The following BACH1 variants were observed in gnomAD, a reference collection of about 807,000 sequenced individuals.
BACH1 encodes the protein BTB domain and CNC homolog 1.
BACH1 carries 35 observed loss-of-function variants against 52.9 expected under a neutral mutation model. The observed-to-expected ratio is 0.66, with a 90% confidence interval of 0.51 to 0.88. BACH1 has a LOEUF of 0.88. Ranked by LOEUF, BACH1 falls within the 40% of genes least tolerant of loss-of-function variation. The pLI, the probability that BACH1 is intolerant of heterozygous loss-of-function variation, is 0.00. For synonymous variants in BACH1, 321 were observed against 319.6 expected (o/e 1.00, Z -0.05); for missense variants, 808 against 872.6 (o/e 0.93, Z 0.93).
At chr21:29,309,037 C>A (rs1328842542) in intron 1 of BACH1, among the ~76,000 whole-genome samples, 2 of 152,088 alleles carry the variant, frequency 1.3e-5, no homozygotes, top group Non-Finnish European at 2.9e-5. Flanking sequence ...GCAGGCAGAT[C>A]ACCTGAGGTC....
intron 1 of BACH1, among the ~76,000 whole-genome samples, chr21:29,308,572 C>G (rs2088684927): frequency 6.6e-6 from 1 of 152,090 alleles, no homozygotes; most frequent in Admixed American, 6.6e-5. Flanking sequence ...ATTTGAAGAG[C>G]ACTTTTTTTG....
chr21:29,345,852 T>G lies in BACH1; in HGVS notation c.*3019T>G, dbSNP rs895693202. On this transcript the variant is annotated 3_prime_UTR_variant, in exon 5 of 5. Coordinates refer to ENST00000286800, the MANE Select transcript of BACH1 (RefSeq NM_001186.4). The stretch of plus-strand genomic sequence containing the variant: ...AAACTATTCTTTGAAACTTGTTGGG[T>G]AGAATGAAAATTAAAGCCATAATGG... 1 of 152,602 alleles carries G rather than the reference T, an allele frequency of 6.6e-6. No homozygotes were observed. The highest frequency in any genetic ancestry group is 1.5e-5 in the Non-Finnish European group (1 of 68,012). 9.5% of individuals were successfully genotyped at this position (152,602 alleles called of 1,614,324 possible).
rs756020225 is a variant in BACH1 at position 29,327,068 on chromosome 21, A to G, written c.1244A>G (p.Gln415Arg). 1.9e-6 allele frequency: 3 copies of G among 1,614,212 alleles called. No homozygotes were observed. In the African/African-American group the frequency reaches 4.0e-5, roughly 22 times the overall value. Residue 415 changes from glutamine to arginine, a missense_variant, in exon 3 of 5, where the codon CAG becomes CGG. Coordinates refer to ENST00000286800, the MANE Select transcript of BACH1 (RefSeq NM_001186.4). ...ICSTDTPCQM[Q>R]LSPAVAKDGS... is the part of the protein sequence containing the mutation. ...AGCACGGACACTCCTTGCCAAATGC[A>G]GTTATCACCTGCTGTGGCCAAAGAT... is the stretch of plus-strand genomic sequence containing the variant.
At position 29,326,207 on chromosome 21, in the gene BACH1, T is replaced by G; in HGVS notation, c.383T>G (p.Phe128Cys). Residue 128 changes from phenylalanine to cysteine, a missense_variant, in exon 3 of 5, where the codon TTT (phenylalanine) becomes TGT (cysteine). Physicochemically the swap from Phe to Cys is radical, Grantham distance 205. Coordinates refer to ENST00000286800, the MANE Select transcript of BACH1 (RefSeq NM_001186.4). ...IEESCFQFLK[F>C]KFLDSTADQQ... ...GAATCCTGCTTTCAGTTTCTGAAAT[T>G]TAAGTTTTTGGACTCCACTGCAGAC... The G allele has an allele frequency of 6.2e-7, 1 of 1,614,200 alleles. No individual in the cohort carries two copies. The highest frequency in any genetic ancestry group is 8.5e-7 in the Non-Finnish European group (1 of 1,180,036).
intron 2 of BACH1, among the ~76,000 whole-genome samples, chr21:29,324,462 A>C (rs1403908455): frequency 6.6e-6 from 1 of 151,752 alleles, no homozygotes; most frequent in Admixed American, 6.6e-5. Context: ...CTTAGGATTG[A>C]TGTTGTTTGA....
rs1405434179 is a variant in BACH1, at chr21:29,343,927, T to C, written c.*1094T>C. 1.3e-5 allele frequency: 2 copies of C among 152,228 alleles called. No homozygotes were observed. Among genetic ancestry groups the C allele is most frequent in the Non-Finnish European group, 2.9e-5 (2 of 68,040 alleles). The allele number at this position is 152,228 out of a possible 1,614,324, so 9.4% of individuals were successfully genotyped here. ...TAGGATGAAACTCAATCTTTTTCTA[T>C]TGTGGGTTTGCATTTGAAAAGCAGG... On this transcript the variant is annotated 3_prime_UTR_variant, in exon 5 of 5. Coordinates refer to ENST00000286800, the MANE Select transcript of BACH1 (RefSeq NM_001186.4).
At position 29,320,487 on chromosome 21, in the gene BACH1, T is replaced by TA. The variant is rs1196632241; in HGVS notation, c.-60-727dup. Among the ~76,000 whole-genome samples the TA allele has an allele frequency of 2.6e-5, 4 of 152,290 alleles. No homozygotes were observed. The East Asian group carries it at 7.7e-4, about 29-fold the overall frequency. The stretch of plus-strand genomic sequence containing the variant: ...GGCTATTATATGTTAGTATGTATTT[T>TA]AAAAAAATATAAAATTATAACTTTT... On this transcript the variant is annotated intron_variant, in intron 1 of 4. Coordinates refer to ENST00000286800, the MANE Select transcript of BACH1 (RefSeq NM_001186.4).
At position 29,342,507 on chromosome 21, in the gene BACH1, GCT is replaced by G. The variant is rs2089125620; in HGVS notation, c.1888_1889del (p.Leu630GlufsTer24). ...GLCQKVCKEA[A>X]LSQEQIQILA... ...TTGCCAGAAAGTTTGTAAAGAAGCA[GCT>G]CTGAGTCAAGAACAAATACAGATAC... On this transcript the variant is annotated frameshift_variant, in exon 5 of 5. Coordinates refer to ENST00000286800, the MANE Select transcript of BACH1 (RefSeq NM_001186.4). LOFTEE classifies it low-confidence loss of function (END_TRUNC). 6.2e-7 allele frequency: 1 copy of G among 1,614,104 alleles called. No homozygotes were observed.
At chr21:29,347,433 G>A (rs748999599), downstream of BACH1, among the ~76,000 whole-genome samples, 1 of 152,198 alleles carries the variant, frequency 6.6e-6, no homozygotes, top group African/African-American at 2.4e-5. Flanking sequence ...CTACATCAGG[G>A]CCAGGACAAA....
rs145906946 is a variant in BACH1, at chr21:29,302,128, G to A, written c.-61+3175G>A. On this transcript the variant is annotated intron_variant, in intron 1 of 4. Coordinates refer to ENST00000286800, the MANE Select transcript of BACH1 (RefSeq NM_001186.4). ...TTTCTGACTAATGTTCTGTTAATGA[G>A]AGAATTGTCTTAACCCTAAAACCTG... Among the ~76,000 whole-genome samples the A allele has an allele frequency of 3.6e-3, 542 of 152,268 alleles. 3 individuals are homozygous for A. Among genetic ancestry groups the A allele is most frequent in the African/African-American group, 0.012 (516 of 41,546 alleles).
intron 1 of BACH1, among the ~76,000 whole-genome samples, chr21:29,308,329 T>C (rs2088681712): frequency 6.6e-6 from 1 of 152,208 alleles, no homozygotes; most frequent in African/African-American, 2.4e-5. Flanking sequence ...ACGGTGGCTG[T>C]TAGGGATTAG....
At chr21:29,305,562 G>A (rs904681203) in intron 1 of BACH1, among the ~76,000 whole-genome samples, 21 of 152,172 alleles carry the variant, frequency 1.4e-4, no homozygotes, top group Non-Finnish European at 2.5e-4. Context: ...AGATTCTAGA[G>A]AGCTATCCTA....
At position 29,326,546 on chromosome 21, in the gene BACH1, C is replaced by T; in HGVS notation, c.722C>T (p.Thr241Ile). 2.5e-6 allele frequency: 4 copies of T among 1,614,160 alleles called. No homozygotes were observed. Among genetic ancestry groups the T allele is most frequent in the Admixed American group, 1.7e-5 (1 of 60,028 alleles). The stretch of plus-strand genomic sequence containing the variant: ...GCATTTGGAACTGACAGAGTCCGTA[C>T]TGGGGAATCTAGTGTCAAAGACATT... ...QKAFGTDRVR[T>I]GESSVKDIHA... Residue 241 changes from threonine (T) to isoleucine (I), a missense_variant, in exon 3 of 5, where the codon ACT becomes ATT. By Grantham distance (89) the Thr-to-Ile change is moderately conservative. Transcript: ENST00000286800.
At chr21:29,313,239 C>T (rs1374955291) in intron 1 of BACH1, among the ~76,000 whole-genome samples, 4 of 152,150 alleles carry the variant, frequency 2.6e-5, no homozygotes, top group South Asian at 4.1e-4. Flanking sequence ...TATCTGCCAC[C>T]GCCGATGAAA....
chr21:29,349,716 C>T (rs1477615324), downstream of BACH1, among the ~76,000 whole-genome samples: 1 of 152,164 alleles, frequency 6.6e-6, no homozygotes, highest in Non-Finnish European at 1.5e-5. Flanking sequence ...CCACTGAGTA[C>T]CTTCCACAGC....
rs1392430945 is a variant in BACH1, at chr21:29,344,085, A to C, written c.*1252A>C. On this transcript the variant is annotated 3_prime_UTR_variant, in exon 5 of 5. Transcript: ENST00000286800. ...AAATAGATAACTGAGCACCTATCGC[A>C]TAACATTTTGCGGTGGCTTTTAGCC... 1 of 152,222 alleles carries C rather than the reference A, an allele frequency of 6.6e-6. No individual in the cohort carries two copies. The highest frequency in any genetic ancestry group is 1.5e-5 in the Non-Finnish European group (1 of 68,040). The allele number at this position is 152,222 out of a possible 1,614,324, so 9.4% of individuals were successfully genotyped here. A position where few individuals can be genotyped will look rare whatever the true frequency, so the allele number is the denominator to read the frequency against.
chr21:29,304,954 A>G (rs2088639590), intron 1 of BACH1, among the ~76,000 whole-genome samples: 1 of 152,146 alleles, frequency 6.6e-6, no homozygotes, highest in South Asian at 2.1e-4. Flanking sequence ...TTAGGTTGTA[A>G]TTTCATTAAT....
chr21:29,320,280 C>A (rs571801637), intron 1 of BACH1, among the ~76,000 whole-genome samples: 1 of 152,218 alleles, frequency 6.6e-6, no homozygotes, highest in South Asian at 2.1e-4. Context: ...CCTTTCCGGC[C>A]GTAGGGTGCT....
intron 2 of BACH1, 71 bp from the exon 3 acceptor site, chr21:29,325,988 C>T (rs773432364): frequency 1.4e-6 from 2 of 1,401,592 alleles, no homozygotes; most frequent in Non-Finnish European, 1.9e-6. Context: ...TATTCCTCTT[C>T]TACTTATTTT....
Sources: gnomAD v4.1 joint callset for allele counts (sites outside exome capture counted in the v4.1 genomes callset) on GRCh38, gnomAD v4.1.1 for gene constraint, MANE v1.5 for transcripts, NCBI Gene and HGNC (gene_info 2026-07-23, HGNC 2026-07-21) for gene names.